Variants in GARIN1A observed in about 807,000 individuals in gnomAD.
The protein encoded by GARIN1A is Golgi-associated RAB2 interactor protein 1A.
At chr7:128,706,143 C>A in the GARIN1A span, among the ~76,000 whole-genome samples, 1 of 152,124 alleles carries the variant, frequency 6.6e-6, no homozygotes, top group African/African-American at 2.4e-5. Context: ...CCAAATTTGG[C>A]CTGCAGGAGC....
At chr7:128,695,582 C>T in the GARIN1A span, among the ~76,000 whole-genome samples, 1 of 152,002 alleles carries the variant, frequency 6.6e-6, no homozygotes, top group African/African-American at 2.4e-5. The surrounding 1 kb of genome is among the most constrained non-coding windows in gnomAD (Gnocchi z 4.5). Flanking sequence ...GCTCTGTTGC[C>T]CAGGCTGGAG....
At chr7:128,680,166 G>A in the GARIN1A span, 1 of 1,444,500 alleles carries the variant, frequency 6.9e-7, no homozygotes, top group Non-Finnish European at 9.5e-7. Context: ...CCTCTGTGGG[G>A]TCAGCTCCAG....
the GARIN1A span, chr7:128,672,527 GTGT>G: frequency 6.2e-7 from 1 of 1,609,594 alleles, no homozygotes; most frequent in Non-Finnish European, 8.5e-7. Flanking sequence ...CAACTCGGTG[GTGT>G]TTGAAAGCAA....
At chr7:128,694,303 G>A in the GARIN1A span, among the ~76,000 whole-genome samples, 7 of 152,014 alleles carry the variant, frequency 4.6e-5, no homozygotes, top group South Asian at 6.2e-4. Context: ...AGGCTGAGGC[G>A]GGCGGATCAC....
chr7:128,687,376 T>C, the GARIN1A span: 1 of 152,068 alleles, frequency 6.6e-6, no homozygotes, highest in South Asian at 2.1e-4. Flanking sequence ...CGGATGTGGG[T>C]TGGCTCACAA....
the GARIN1A span, among the ~76,000 whole-genome samples, chr7:128,696,117 A>C: frequency 7.2e-6 from 1 of 139,230 alleles, no homozygotes; most frequent in Non-Finnish European, 1.5e-5. Flanking sequence ...GGCTGCAGCT[A>C]TTCTCCCACC....
the GARIN1A span, among the ~76,000 whole-genome samples, chr7:128,673,718 C>T: frequency 7.9e-5 from 12 of 152,284 alleles, no homozygotes; most frequent in African/African-American, 9.6e-5. Context: ...TGGCTCCTGC[C>T]GCTCCACGGT....
chr7:128,677,831 C>T, the GARIN1A span: 48 of 1,605,730 alleles, frequency 3.0e-5, no homozygotes, highest in Admixed American at 1.0e-4. Context: ...GGCCTCCTTC[C>T]GGGACCTGTC....
the GARIN1A span, among the ~76,000 whole-genome samples, chr7:128,706,833 T>C: frequency 4.6e-5 from 7 of 152,292 alleles, no homozygotes; most frequent in Admixed American, 2.0e-4. Flanking sequence ...CCCTGCTTGC[T>C]GTCACACAGC....
At chr7:128,698,649 G>A in the GARIN1A span, among the ~76,000 whole-genome samples, 1 of 152,056 alleles carries the variant, frequency 6.6e-6, no homozygotes, top group African/African-American at 2.4e-5. Context: ...GCCTAGACTG[G>A]AGTGCAGTGG....
At chr7:128,690,462 C>A in the GARIN1A span, 2 of 152,078 alleles carry the variant, frequency 1.3e-5, no homozygotes, top group Non-Finnish European at 2.9e-5. Context: ...AACTCCAAAA[C>A]CCCCTTCTAC....
chr7:128,675,521 T>C, the GARIN1A span: 12 of 696,156 alleles, frequency 1.7e-5, no homozygotes, highest in Admixed American at 2.0e-4. Context: ...TAAAGTGTAT[T>C]TGGGGAGGCC....
the GARIN1A span, among the ~76,000 whole-genome samples, chr7:128,695,545 A>T: frequency 1.3e-5 from 2 of 151,940 alleles, no homozygotes; most frequent in East Asian, 3.9e-4. This position sits in a 1 kb window ranked among gnomAD's most constrained non-coding sequence, Gnocchi z 4.5. Flanking sequence ...TTTTATTTTT[A>T]TTTTTTTTCT....
At chr7:128,693,499 A>G in the GARIN1A span, 2 of 194,024 alleles carry the variant, frequency 1.0e-5, no homozygotes, top group East Asian at 1.3e-4. Context: ...GAGCAGGTGG[A>G]CTTCCTGAAA....
chr7:128,699,273 C>T, the GARIN1A span, among the ~76,000 whole-genome samples: 1 of 101,308 alleles, frequency 9.9e-6, no homozygotes, highest in East Asian at 2.6e-4. Context: ...CCCCCCCCCC[C>T]ACCACCAAAA....
the GARIN1A span, among the ~76,000 whole-genome samples, chr7:128,699,495 A>G: frequency 1.3e-5 from 2 of 152,094 alleles, no homozygotes; most frequent in Non-Finnish European, 2.9e-5. Flanking sequence ...AATCACTTTG[A>G]TGTCTGAATC....
At chr7:128,680,264 A>G in the GARIN1A span, 25 of 519,016 alleles carry the variant, frequency 4.8e-5, no homozygotes, top group Non-Finnish European at 6.2e-5. Flanking sequence ...AGTCATGCAC[A>G]TGGCTTTTTC....
chr7:128,696,516 A>G, the GARIN1A span, among the ~76,000 whole-genome samples: 1 of 152,094 alleles, frequency 6.6e-6, no homozygotes, highest in South Asian at 2.1e-4. Flanking sequence ...CAAGATTATT[A>G]ACTTTTTTCA....
At chr7:128,687,647 C>T in the GARIN1A span, 1 of 152,236 alleles carries the variant, frequency 6.6e-6, no homozygotes. Flanking sequence ...AGCATCTCTA[C>T]ACATCCTTGC....
Sources: gnomAD v4.1 joint callset for allele counts (sites outside exome capture counted in the v4.1 genomes callset) on GRCh38, gnomAD v4.1.1 for gene constraint, Gnocchi (gnomAD v3.1) non-coding constraint, MANE v1.5 for transcripts, NCBI Gene and HGNC (gene_info 2026-07-23, HGNC 2026-07-21) for gene names.